The following RPS6KA3 variants were observed in gnomAD, a reference collection of about 807,000 sequenced individuals.
RPS6KA3 encodes ribosomal protein S6 kinase A3.
In RPS6KA3, 4 loss-of-function variants were observed where a neutral mutation model predicts 67.2. The observed-to-expected ratio is 0.06, with a 90% CI of 0.03 to 0.14. The LOEUF is 0.14. RPS6KA3 is among the 10% of genes least tolerant of loss of function. The pLI, the probability that RPS6KA3 is intolerant of heterozygous loss-of-function variation, is 1.00. For synonymous variants in RPS6KA3, 182 were observed against 183.7 expected, an observed-to-expected ratio of 0.99 and a Z score of 0.07; for missense variants, 204 against 559.0, an observed-to-expected ratio of 0.36 and a Z score of 6.40.
At chrX:20,178,029 T>C (rs1241034336) in intron 10 of RPS6KA3, among the ~76,000 whole-genome samples, 2 of 112,049 alleles carry the variant, frequency 1.8e-5, no homozygotes, top group Non-Finnish European at 3.8e-5. Context: ...AAAATTCCTA[T>C]TTCAGAAACA....
At chrX:20,215,125 G>T (rs781610182) in intron 2 of RPS6KA3, among the ~76,000 whole-genome samples, 1 of 111,461 alleles carries the variant, frequency 9.0e-6, no homozygotes, top group South Asian at 3.7e-4. Context: ...CTTTCTAAGA[G>T]ACTTTCTTGA....
intron 1 of RPS6KA3, among the ~76,000 whole-genome samples, chrX:20,240,153 C>G (rs5955895): frequency 1.9e-5 from 2 of 108,025 alleles, no homozygotes; most frequent in Non-Finnish European, 3.9e-5. Context: ...AATGGACGTA[C>G]GGACATTAAG....
intron 17 of RPS6KA3, among the ~76,000 whole-genome samples, chrX:20,166,675 C>A (rs1279244928): frequency 1.9e-5 from 2 of 107,722 alleles, no homozygotes; most frequent in Non-Finnish European, 3.8e-5. Context: ...TTCCTCCCTC[C>A]CTCCCCTCAT....
intron 2 of RPS6KA3, among the ~76,000 whole-genome samples, chrX:20,228,344 C>T (rs1310351399): frequency 8.9e-6 from 1 of 111,871 alleles, no homozygotes; most frequent in East Asian, 2.8e-4. Context: ...GCAGCTTTTA[C>T]ACTAAAGGTC....
intron 19 of RPS6KA3, among the ~76,000 whole-genome samples, chrX:20,162,410 C>T (rs1429585642): frequency 9.2e-6 from 1 of 108,697 alleles, no homozygotes; most frequent in Non-Finnish European, 1.9e-5. Context: ...CAATTTAGGA[C>T]CTCGAGACAT....
At chrX:20,223,448 T>C (rs563832275) in intron 2 of RPS6KA3, among the ~76,000 whole-genome samples, 2 of 111,039 alleles carry the variant, frequency 1.8e-5, no homozygotes, top group East Asian at 5.6e-4. Context: ...TTTCAACTTC[T>C]CCCAAGGCTA....
chrX:20,152,393 T>C lies in RPS6KA3; in HGVS notation c.*3005A>G, dbSNP rs751304288. Reference sequence around the variant, plus strand: ...AGATACAAAACACATGGTAGTGTAATTCATACCTTCCAGTACGTGCTTGAC... The same window carrying C: ...AGATACAAAACACATGGTAGTGTAACTCATACCTTCCAGTACGTGCTTGAC... On this transcript the variant is annotated 3_prime_UTR_variant, in exon 22 of 22. Coordinates refer to ENST00000379565, the MANE Select transcript of RPS6KA3 (RefSeq NM_004586.3). 1.8e-5 allele frequency: 2 copies of C among 112,909 alleles called. No homozygotes were observed. Among genetic ancestry groups the C allele is most frequent in the African/African-American group, 3.2e-5 (1 of 30,994 alleles). 9.3% of individuals were successfully genotyped at this position (112,909 alleles called of 1,213,427 possible).
At chrX:20,211,297 T>C (rs1481845629) in intron 2 of RPS6KA3, among the ~76,000 whole-genome samples, 1 of 111,595 alleles carries the variant, frequency 9.0e-6, no homozygotes, top group Non-Finnish European at 1.9e-5. Flanking sequence ...CTGGTCTGAA[T>C]ATTCTATAGT....
intron 2 of RPS6KA3, among the ~76,000 whole-genome samples, chrX:20,217,209 G>A (rs1398048620): frequency 1.8e-5 from 2 of 111,786 alleles, no homozygotes; most frequent in African/African-American, 6.5e-5. Context: ...AACGTCCTTA[G>A]GTTTATACCT....
chrX:20,246,242 G>A (rs1368905454), intron 1 of RPS6KA3, among the ~76,000 whole-genome samples: 1 of 110,097 alleles, frequency 9.1e-6, no homozygotes, highest in Non-Finnish European at 1.9e-5. Context: ...TTGGGTAAGT[G>A]ACTTAACATG....
intron 19 of RPS6KA3, among the ~76,000 whole-genome samples, chrX:20,162,553 A>C (rs774029861): frequency 2.3e-4 from 25 of 109,404 alleles, no homozygotes; most frequent in African/African-American, 7.6e-4. Context: ...AAAAAAAAAA[A>C]CCTACATAGG....
intron 1 of RPS6KA3, among the ~76,000 whole-genome samples, chrX:20,258,305 T>TA (rs963168382): frequency 1.8e-5 from 2 of 112,190 alleles, no homozygotes; most frequent in African/African-American, 6.5e-5. Flanking sequence ...TGATTTTAAG[T>TA]AAATCTTTAT....
intron 20 of RPS6KA3, among the ~76,000 whole-genome samples, chrX:20,160,914 A>G (rs1347914176): frequency 6.3e-5 from 7 of 110,948 alleles, no homozygotes; most frequent in Non-Finnish European, 7.5e-5. Context: ...ACTTTCACCA[A>G]TATGTATCCT....
chrX:20,189,884 A>G (rs1487143627), intron 7 of RPS6KA3, among the ~76,000 whole-genome samples: 2 of 112,115 alleles, frequency 1.8e-5, no homozygotes, highest in East Asian at 5.6e-4. Flanking sequence ...AAGGTAATTC[A>G]GTAGGGACAT....
chrX:20,257,337 CAG>C (rs1050932090), intron 1 of RPS6KA3, among the ~76,000 whole-genome samples: 11 of 112,028 alleles, frequency 9.8e-5, no homozygotes, highest in African/African-American at 3.6e-4. Context: ...TTAAAATTAG[CAG>C]AGAGTAGAGA....
intron 1 of RPS6KA3, among the ~76,000 whole-genome samples, chrX:20,253,372 T>C (rs1188316896): frequency 9.0e-6 from 1 of 111,287 alleles, no homozygotes; most frequent in African/African-American, 3.3e-5. Flanking sequence ...AGAGCTCTTT[T>C]TGTCTGTGAC....
chrX:20,222,285 G>C (rs1268821928), intron 2 of RPS6KA3, among the ~76,000 whole-genome samples: 2 of 111,785 alleles, frequency 1.8e-5, no homozygotes, highest in African/African-American at 6.5e-5. Flanking sequence ...GGAAGGAAAT[G>C]AAGAGGTTTA....
Position 20,172,969 on chromosome X carries a change from C to T in RPS6KA3, c.1228-98G>A, listed in dbSNP as rs2067608852. ...CTCAGCATGCATTGTTGATGCCCTA[C>T]ATATAAATGAATAAGAATAAAAATA... On this transcript the variant is annotated intron_variant, in intron 14 of 21. Transcript: ENST00000379565. The T allele has an allele frequency of 1.3e-5, 9 of 676,499 alleles. No individual in the cohort carries two copies. In the South Asian group the frequency reaches 2.2e-4, roughly 17 times the overall value. 55.8% of individuals were successfully genotyped at this position (676,499 alleles called of 1,213,427 possible). A position where few individuals can be genotyped will look rare whatever the true frequency, so the allele number is the denominator to read the frequency against.
chrX:20,211,000 A>T (rs752729578), intron 2 of RPS6KA3, among the ~76,000 whole-genome samples: 252 of 98,344 alleles, frequency 2.6e-3, no homozygotes, highest in South Asian at 7.6e-3. Context: ...TACCAAATTT[A>T]AAAAAAAAAA....
Sources: gnomAD v4.1 joint callset for allele counts (sites outside exome capture counted in the v4.1 genomes callset) on GRCh38, gnomAD v4.1.1 for gene constraint, MANE v1.5 for transcripts, NCBI Gene and HGNC (gene_info 2026-07-23, HGNC 2026-07-21) for gene names.